Variants in SGCA observed in about 807,000 individuals in gnomAD.
The protein encoded by SGCA is sarcoglycan alpha.
Under a neutral mutation model 38.1 loss-of-function variants are expected in SGCA, and 34 were observed. The ratio of observed to expected loss-of-function variants is 0.89; its 90% CI spans 0.68 to 1.19. The LOEUF is 1.19. SGCA is among the 50% of genes most tolerant of loss of function. The pLI is 0.00. For synonymous variants in SGCA, 209 were observed against 214.6 expected, an observed-to-expected ratio of 0.97 and a Z score of 0.23; for missense variants, 476 against 524.9, an observed-to-expected ratio of 0.91 and a Z score of 0.91.
In SGCA at chr17:50,170,161, G is replaced by A. The variant is rs746698767; in HGVS notation, c.766G>A (p.Glu256Lys). 1.7e-5 allele frequency: 28 copies of A among 1,614,008 alleles called. 1 individual carries two copies. The Admixed American group carries it at 3.2e-4, about 18-fold the overall frequency. Residue 256 changes from glutamate (E) to lysine (K), a missense_variant, in exon 7 of 10, where the codon GAG becomes AAG. Physicochemically the swap from Glu to Lys is moderately conservative, Grantham distance 56 (BLOSUM62 1). Coordinates refer to ENST00000262018, the MANE Select transcript of SGCA (RefSeq NM_000023.4). Reference sequence around the variant, plus strand: ...TGTGCAGGTGGATAAGTCAGTGCCGGAGCCTGCAGATGAGGTGCCCACCCC... The same window carrying A: ...TGTGCAGGTGGATAAGTCAGTGCCGAAGCCTGCAGATGAGGTGCCCACCCC... ...NVTLVDKSVPEPADEVPTPGD... is the reference protein window; with the variant it reads ...NVTLVDKSVPKPADEVPTPGD...
Position 50,166,103 on chromosome 17 carries a change from G to C in SGCA, c.37+26G>C, listed in dbSNP as rs1162782049. 2.5e-6 allele frequency: 4 copies of C among 1,597,520 alleles called. No individual in the cohort carries two copies. In the South Asian group the frequency reaches 4.4e-5, roughly 18 times the overall value. The stretch of plus-strand genomic sequence containing the variant: ...GCAAGTTGGGGCCTTGTTCAGCGGG[G>C]AGGCCCAGGATGAGGGGGCAGGATT... On this transcript the variant is annotated intron_variant, in intron 1 of 9. Transcript: ENST00000262018.
At chr17:50,168,164 A>G (rs1429718916) in intron 4 of SGCA, 145 bp downstream of exon 4, 2 of 866,598 alleles carry the variant, frequency 2.3e-6, no homozygotes, top group Non-Finnish European at 3.8e-6. Context: ...CTCTCAGGGA[A>G]TGGGTGCTGG....
Position 50,169,241 on chromosome 17 carries a change from G to T in SGCA, c.734G>T (p.Cys245Phe), listed in dbSNP as rs1368195653. Reference sequence around the variant, plus strand: ...GCACCCCACTTCCGCGTTGACTGGTGCAATGTGACCCTGGTGAGGAGGGAC... The same window carrying T: ...GCACCCCACTTCCGCGTTGACTGGTTCAATGTGACCCTGGTGAGGAGGGAC... ...TLAPHFRVDW[C>F]NVTLVDKSVP... Residue 245 changes from cysteine to phenylalanine, a missense_variant, in exon 6 of 10, where the codon TGC (cysteine) becomes TTC (phenylalanine). Coordinates refer to ENST00000262018, the MANE Select transcript of SGCA (RefSeq NM_000023.4). 1 of 1,613,378 alleles carries T rather than the reference G, an allele frequency of 6.2e-7. No individual in the cohort carries two copies. The highest frequency in any genetic ancestry group is 1.7e-5 in the Admixed American group (1 of 60,000).
In SGCA at chr17:50,170,232, T is replaced by C. The variant is rs775773189; in HGVS notation, c.837T>C (p.Thr279=). ...ATGACCCGTTCTTCTGCCCACCCAC[T>C]GAGGCCCCAGACCGTGACTTCTTGG... ...LEHDPFFCPP[T]EAPDRDFLVD... is the part of the protein sequence containing the mutation. The change falls in exon 7 of 10, where the codon ACT becomes ACC. Residue 279 remains threonine, a synonymous_variant. Coordinates refer to ENST00000262018, the MANE Select transcript of SGCA (RefSeq NM_000023.4). 6 of 1,614,090 alleles carry C rather than the reference T, an allele frequency of 3.7e-6. No individual in the cohort carries two copies. The South Asian group carries it at 5.5e-5, about 15-fold the overall frequency.
intron 4 of SGCA, 68 bp downstream of exon 4, chr17:50,168,087 A>G: frequency 5.5e-6 from 8 of 1,447,772 alleles, no homozygotes; most frequent in Admixed American, 1.7e-5. Context: ...CCGGAGGGGG[A>G]GGGGGCTGTG....
intron 7 of SGCA, 91 bp downstream of exon 7, chr17:50,170,442 A>AG: frequency 1.4e-6 from 2 of 1,420,140 alleles, no homozygotes; most frequent in East Asian, 4.6e-5. Context: ...GGACCCAGAC[A>AG]CCATGGGAAT....
chr17:50,169,880 A>C (rs1296253225), intron 6 of SGCA: 1 of 571,950 alleles, frequency 1.7e-6, no homozygotes, highest in African/African-American at 1.9e-5. Context: ...GCTCACCACC[A>C]CTCCAGGAGA....
At chr17:50,170,374 G>T (rs745983208) in intron 7 of SGCA, 23 bp downstream of exon 7, 3 of 1,605,082 alleles carry the variant, frequency 1.9e-6, no homozygotes, top group Non-Finnish European at 2.6e-6. Flanking sequence ...ATGAAGGGCG[G>T]GGGAGCACCT....
At position 50,170,151 on chromosome 17, in the gene SGCA, G is replaced by T; in HGVS notation, c.756G>T (p.Lys252Asn). 4 of 1,614,064 alleles carry T rather than the reference G, an allele frequency of 2.5e-6. No homozygotes were observed. The South Asian group carries it at 4.4e-5, about 18-fold the overall frequency. ...VDWCNVTLVD[K>N]SVPEPADEVP... ...CTGAGCTCTCTGTGCAGGTGGATAA[G>T]TCAGTGCCGGAGCCTGCAGATGAGG... Residue 252 changes from lysine to asparagine, a missense_variant, in exon 7 of 10, where the codon AAG (lysine) becomes AAT (asparagine). Physicochemically the swap from Lys to Asn is moderately conservative, Grantham distance 94. Transcript: ENST00000262018.
At position 50,170,352 on chromosome 17, in the gene SGCA, G is replaced by A; in HGVS notation, c.956+1G>A. On this transcript the variant is annotated splice_donor_variant, in intron 7 of 9. Transcript: ENST00000262018. LOFTEE classifies it high-confidence loss of function. ...TCATGTGCTGCCGGCGGGAGGGAAG[G>A]TGAATGTGGGCATGAAGGGCGGGGG... 8 of 1,613,088 alleles carry A rather than the reference G, an allele frequency of 5.0e-6. No individual in the cohort carries two copies. The highest frequency in any genetic ancestry group is 6.8e-6 in the Non-Finnish European group (8 of 1,179,132).
chr17:50,167,695 G>C lies in SGCA; in HGVS notation c.271G>C (p.Gly91Arg). The change falls in exon 3 of 10, where the codon GGC becomes CGC. Residue 91 changes from glycine (G) to arginine (R), a missense_variant. Transcript: ENST00000262018. This position sits in a 1 kb window ranked among gnomAD's most constrained non-coding sequence, Gnocchi z 4.5. Reference sequence around the variant, plus strand: ...CCCCCACCACCCTGGCTTCCTCTACGGCTCTGCCACCCCAGAAGATCGTGG... The same window carrying C: ...CCCCCACCACCCTGGCTTCCTCTACCGCTCTGCCACCCCAGAAGATCGTGG... ...RSPHHPGFLYGSATPEDRGLQ... is the reference protein window; with the variant it reads ...RSPHHPGFLYRSATPEDRGLQ... 1.2e-6 allele frequency: 2 copies of C among 1,613,392 alleles called. No individual in the cohort carries two copies. Among genetic ancestry groups the C allele is most frequent in the African/African-American group, 1.3e-5 (1 of 74,986 alleles).
chr17:50,169,375 C>T (rs1905189119), intron 6 of SGCA, 121 bp downstream of exon 6: 1 of 794,544 alleles, frequency 1.3e-6, no homozygotes, highest in Non-Finnish European at 2.0e-6. Context: ...ATTTCTTTCC[C>T]TGATGCTCTC....
At chr17:50,172,553 T>A in intron 8 of SGCA, 1 of 306,624 alleles carries the variant, frequency 3.3e-6, no homozygotes, top group Non-Finnish European at 6.5e-6. Flanking sequence ...TAATCATAGC[T>A]CACTGCAACC....
intron 5 of SGCA, 146 bp from the exon 6 acceptor site, chr17:50,168,946 T>C: frequency 1.3e-6 from 1 of 752,316 alleles, no homozygotes; most frequent in Non-Finnish European, 2.3e-6. Context: ...GCCATGTTCC[T>C]CCCTTAATCC....
Position 50,169,214 on chromosome 17 carries a change from T to C in SGCA, c.707T>C (p.Leu236Ser), listed in dbSNP as rs1334106407. The change falls in exon 6 of 10, where the codon TTG becomes TCG. Residue 236 changes from leucine to serine, a missense_variant. By Grantham distance (145) the Leu-to-Ser change is moderately radical (BLOSUM62 -2). Transcript: ENST00000262018. Reference sequence around the variant, plus strand: ...CCACTTCTGTCTTGCTACGACACCTTGGCACCCCACTTCCGCGTTGACTGG... The same window carrying C: ...CCACTTCTGTCTTGCTACGACACCTCGGCACCCCACTTCCGCGTTGACTGG... ...QPPLLSCYDT[L>S]APHFRVDWCN... The C allele has an allele frequency of 1.2e-6, 2 of 1,613,848 alleles. No individual in the cohort carries two copies. The highest frequency in any genetic ancestry group is 1.7e-5 in the Admixed American group (1 of 59,982).
At chr17:50,174,346 A>G (rs1362930950) in intron 8 of SGCA, among the ~76,000 whole-genome samples, 1 of 152,034 alleles carries the variant, frequency 6.6e-6, no homozygotes, top group Non-Finnish European at 1.5e-5. Context: ...ATATAAAAAC[A>G]TAATATAAAG....
chr17:50,168,604 AGAG>A, intron 5 of SGCA, 32 bp downstream of exon 5: 1 of 1,538,166 alleles, frequency 6.5e-7, no homozygotes, highest in South Asian at 1.2e-5. Flanking sequence ...ACTTCCTGAA[AGAG>A]GAGGATGCAG....
At chr17:50,170,813 A>C (rs1905323235) in intron 8 of SGCA, 147 bp downstream of exon 8, 1 of 742,474 alleles carries the variant, frequency 1.3e-6, no homozygotes. Context: ...TAATCCCAGC[A>C]CTTTGGGAGG....
intron 6 of SGCA, chr17:50,169,525 CAGAT>C (rs1278175875): frequency 9.7e-6 from 5 of 516,920 alleles, no homozygotes; most frequent in African/African-American, 7.7e-5. Flanking sequence ...TCCCGCGCCC[CAGAT>C]CTGCCCAGGT....
Sources: allele counts gnomAD v4.1 joint callset (sites outside exome capture counted in the v4.1 genomes callset), GRCh38; gene constraint gnomAD v4.1.1; non-coding constraint Gnocchi (gnomAD v3.1); transcripts MANE v1.5; gene names NCBI Gene and HGNC (gene_info 2026-07-23, HGNC 2026-07-21).